Variants in DCAF6 observed in about 807,000 individuals in gnomAD.
DCAF6 encodes DDB1 and CUL4 associated factor 6, also known as DDB1- and CUL4-associated factor 6.
A neutral mutation model predicts 125.1 loss-of-function variants in DCAF6; 54 were observed. The ratio of observed to expected loss-of-function variants is 0.43; its 90% CI spans 0.35 to 0.54. The LOEUF is 0.54. Among genes scored for constraint, DCAF6 ranks in the 20% least tolerant of loss-of-function variants. DCAF6 has a pLI of 0.01. For synonymous variants in DCAF6, 371 were observed against 390.4 expected (o/e 0.95, Z 0.58); for missense variants, 934 against 1,161.7 (o/e 0.80, Z 2.85).
chr1:167,892,662 G>T, the DCAF6 span, among the ~76,000 whole-genome samples: 2 of 152,148 alleles, frequency 1.3e-5, no homozygotes, highest in African/African-American at 2.4e-5. Context: ...GGCACTAGGG[G>T]TAATGTTTTT....
chr1:168,042,846 T>C, intron 13 of DCAF6, 179 bp from the exon 14 acceptor site: 1 of 506,042 alleles, frequency 2.0e-6, no homozygotes, highest in Non-Finnish European at 3.5e-6. Context: ...GAGTAAAGTG[T>C]GTTATGATAG....
intron 17 of DCAF6, among the ~76,000 whole-genome samples, chr1:168,060,737 C>T (rs964774535): frequency 6.6e-6 from 1 of 152,036 alleles, no homozygotes; most frequent in African/African-American, 2.4e-5. Context: ...ACTAAAAATA[C>T]AAAAATTAGC....
chr1:167,893,695 C>CAAA, the DCAF6 span, among the ~76,000 whole-genome samples: 15 of 70,186 alleles, frequency 2.1e-4, no homozygotes, highest in East Asian at 1.1e-3. Context: ...GACTCTGTCT[C>CAAA]AAAAAAAAAA....
In DCAF6 at chr1:167,987,543, G is replaced by A. The variant is rs1413294990; in HGVS notation, c.487G>A (p.Asp163Asn). The stretch of plus-strand genomic sequence containing the variant: ...TTACACTTTTCTCTCTTGTGGTGAA[G>A]ATGGAACTGTTAGGTGGTTTGATAC... ...DPYTFLSCGEDGTVRWFDTRI... is the reference protein window; with the variant it reads ...DPYTFLSCGENGTVRWFDTRI... The change falls in exon 5 of 22, where the codon GAT becomes AAT. Residue 163 changes from aspartate (D) to asparagine (N), a missense_variant. Asp to Asn is a conservative substitution (Grantham distance 23). This residue lies in a region of DCAF6 where 309 missense variants were observed against 381.2 expected (regional missense o/e 0.81). Transcript: ENST00000367840. 1 of 1,608,592 alleles carries A rather than the reference G, an allele frequency of 6.2e-7. No homozygotes were observed. Among genetic ancestry groups the A allele is most frequent in the Admixed American group, 1.7e-5 (1 of 59,990 alleles).
chr1:167,935,648 G>A (rs1671111615), upstream of DCAF6: 1 of 1,120,204 alleles, frequency 8.9e-7, no homozygotes, highest in East Asian at 2.6e-5. Context: ...GCCTCTAGAG[G>A]CAGTTGTCAG....
At chr1:168,034,793 A>G (rs2103341673) in intron 12 of DCAF6, among the ~76,000 whole-genome samples, 1 of 152,246 alleles carries the variant, frequency 6.6e-6, no homozygotes, top group East Asian at 1.9e-4. Context: ...TTTAAGTAAC[A>G]TATCTGTGCA....
chr1:167,878,515 G>A, the DCAF6 span: 1 of 1,614,078 alleles, frequency 6.2e-7, no homozygotes, highest in Non-Finnish European at 8.5e-7. Context: ...AACTTTCTTT[G>A]GAAGCTCTTT....
intron 1 of DCAF6, among the ~76,000 whole-genome samples, chr1:167,944,732 T>A (rs145929950): frequency 6.6e-6 from 1 of 152,318 alleles, no homozygotes; most frequent in African/African-American, 2.4e-5. Context: ...AATTTGCAGA[T>A]ATTTTCTGTC....
At chr1:168,053,965 T>A (rs1320600255) in intron 17 of DCAF6, among the ~76,000 whole-genome samples, 1 of 152,080 alleles carries the variant, frequency 6.6e-6, no homozygotes, top group African/African-American at 2.4e-5. Context: ...CTTTATTTAC[T>A]AATACATTGT....
chr1:167,997,003 T>C (rs1681820973), intron 7 of DCAF6, among the ~76,000 whole-genome samples: 1 of 152,214 alleles, frequency 6.6e-6, no homozygotes, highest in Non-Finnish European at 1.5e-5. Context: ...TTTCATGTGT[T>C]GTTTGCTCCA....
chr1:167,969,967 G>A (rs953071336), intron 3 of DCAF6, among the ~76,000 whole-genome samples: 24 of 152,104 alleles, frequency 1.6e-4, no homozygotes, highest in Admixed American at 6.5e-5. Context: ...TGTAGAGTTG[G>A]GGTTTCACCA....
intron 21 of DCAF6, among the ~76,000 whole-genome samples, chr1:168,074,227 G>C (rs1399826397): frequency 1.3e-5 from 2 of 151,918 alleles, no homozygotes; most frequent in African/African-American, 4.8e-5. Flanking sequence ...GTTGACCTAG[G>C]ATCCAGTGGG....
chr1:168,014,710 G>A (rs907078270), intron 10 of DCAF6, among the ~76,000 whole-genome samples: 8 of 152,138 alleles, frequency 5.3e-5, no homozygotes, highest in African/African-American at 1.9e-4. Context: ...AAATTCTACT[G>A]CTTTTACCTT....
In DCAF6 at chr1:167,980,834, T is replaced by C. The variant is rs948381364; in HGVS notation, c.438+5819T>C. 4.6e-5 allele frequency among the ~76,000 whole-genome samples: 7 copies of C among 152,230 alleles called. No individual in the cohort carries two copies. The East Asian group carries it at 5.8e-4, about 13-fold the overall frequency. On this transcript the variant is annotated intron_variant, in intron 4 of 21. Coordinates refer to ENST00000367840, the MANE Select transcript of DCAF6 (RefSeq NM_001198956.2). The stretch of plus-strand genomic sequence containing the variant: ...TTGATGTAGTTCCACTTGTCTGTTA[T>C]GGCTTTGTTAACTGTGATTTTGTTG...
At chr1:167,890,417 A>G in the DCAF6 span, among the ~76,000 whole-genome samples, 1 of 151,726 alleles carries the variant, frequency 6.6e-6, no homozygotes, top group Non-Finnish European at 1.5e-5. Flanking sequence ...TGGAGTCTCT[A>G]TTTCTCTGTG....
chr1:168,045,835 G>C (rs997183687), intron 16 of DCAF6, among the ~76,000 whole-genome samples: 2 of 151,996 alleles, frequency 1.3e-5, no homozygotes, highest in Non-Finnish European at 2.9e-5. Context: ...TCTTTTGTGG[G>C]AGTTAAAATA....
At chr1:168,063,581 T>G in intron 17 of DCAF6, 40 bp from the exon 18 acceptor site, 1 of 1,395,256 alleles carries the variant, frequency 7.2e-7, no homozygotes, top group Non-Finnish European at 9.4e-7. Flanking sequence ...TTGTGAATAT[T>G]TTTATTTATT....
the DCAF6 span, among the ~76,000 whole-genome samples, chr1:167,930,729 T>G: frequency 1.3e-5 from 2 of 152,354 alleles, no homozygotes; most frequent in African/African-American, 4.8e-5. Context: ...TTGATCCTAG[T>G]CCTCTTTCTA....
At chr1:168,062,674 A>G (rs1054815576) in intron 17 of DCAF6, among the ~76,000 whole-genome samples, 5 of 151,854 alleles carry the variant, frequency 3.3e-5, no homozygotes, top group African/African-American at 1.2e-4. Context: ...ATGTCAAAAT[A>G]TAATATTTTA....
Sources: gnomAD v4.1 joint callset for allele counts (sites outside exome capture counted in the v4.1 genomes callset) on GRCh38, gnomAD v4.1.1 for gene constraint, gnomAD v4.1.1 regional missense constraint, MANE v1.5 for transcripts, NCBI Gene and HGNC (gene_info 2026-07-23, HGNC 2026-07-21) for gene names.